The following XRCC5 variants were observed in gnomAD, a reference collection of about 807,000 sequenced individuals.
The protein encoded by XRCC5 is DNA repair protein Ku80.
Under a neutral mutation model 95.7 loss-of-function variants are expected in XRCC5, and 12 were observed. The observed-to-expected ratio is 0.13, with a 90% CI of 0.08 to 0.20. The LOEUF is 0.20. Ranked by LOEUF, XRCC5 falls within the 10% of genes least tolerant of loss-of-function variation. The pLI is 1.00. For synonymous variants in XRCC5, 281 were observed against 290.3 expected, an observed-to-expected ratio of 0.97 and a Z score of 0.33; for missense variants, 595 against 873.9, an observed-to-expected ratio of 0.68 and a Z score of 4.02.
In XRCC5 at chr2:216,116,860, G is replaced by T; in HGVS notation, c.319+18G>T. 1.2e-6 allele frequency: 2 copies of T among 1,610,002 alleles called. No homozygotes were observed. The highest frequency in any genetic ancestry group is 1.7e-6 in the Non-Finnish European group (2 of 1,177,198). On this transcript the variant is annotated intron_variant, in intron 3 of 20. Transcript: ENST00000392132. ...GGCTGACTGTATCCTTTTTCTGCCA[G>T]AGAAGACTTTAAGAAATTTCCTTTA...
rs769979176 is a variant in XRCC5 at position 216,192,633 on chromosome 2, CCA to C, written c.1945-3_1945-2del. 6.4e-7 allele frequency: 1 copy of C among 1,572,986 alleles called. No individual in the cohort carries two copies. Among genetic ancestry groups the C allele is most frequent in the Non-Finnish European group, 8.6e-7 (1 of 1,160,472 alleles). ...CTGCCTCCTCTACCCCAACTTGCTA[CCA>C]CAGTTTTCAGAAGAGCAGCGCTTTA... On this transcript the variant is annotated splice_polypyrimidine_tract_variant and splice_region_variant and intron_variant, in intron 17 of 20. Transcript: ENST00000392132.
chr2:216,185,770 G>A (rs1274415487), intron 16 of XRCC5, among the ~76,000 whole-genome samples: 1 of 151,472 alleles, frequency 6.6e-6, no homozygotes, highest in Non-Finnish European at 1.5e-5. Flanking sequence ...CCACCTCCTG[G>A]GTTCAAGTGG....
chr2:216,118,424 A>T (rs2106001939), intron 4 of XRCC5, among the ~76,000 whole-genome samples: 1 of 152,154 alleles, frequency 6.6e-6, no homozygotes, highest in East Asian at 1.9e-4. Flanking sequence ...CAGTCCTCCT[A>T]TCTTGGCCTC....
intron 14 of XRCC5, among the ~76,000 whole-genome samples, chr2:216,153,669 T>C (rs1688790481): frequency 1.3e-5 from 2 of 152,204 alleles, no homozygotes; most frequent in Admixed American, 6.5e-5. Flanking sequence ...TTAGAGAAGA[T>C]GAGAAACTTG....
At position 216,205,279 on chromosome 2, in the gene XRCC5, G is replaced by C; in HGVS notation, c.*77G>C. The C allele has an allele frequency of 1.3e-6, 2 of 1,586,170 alleles. No homozygotes were observed. Among genetic ancestry groups the C allele is most frequent in the Non-Finnish European group, 1.7e-6 (2 of 1,154,772 alleles). Reference sequence around the variant, plus strand: ...AGTTCTAACAAAACAAGTTGGATGCGGCCATTCAAGGGGAGCCAAAATCTC... The same window carrying C: ...AGTTCTAACAAAACAAGTTGGATGCCGCCATTCAAGGGGAGCCAAAATCTC... On this transcript the variant is annotated 3_prime_UTR_variant, in exon 21 of 21. Coordinates refer to ENST00000392132, the MANE Select transcript of XRCC5 (RefSeq NM_021141.4).
At chr2:216,184,788 T>C (rs1243931076) in intron 16 of XRCC5, among the ~76,000 whole-genome samples, 1 of 152,224 alleles carries the variant, frequency 6.6e-6, no homozygotes, top group Non-Finnish European at 1.5e-5. Flanking sequence ...GCCTGATGCC[T>C]TGCATTTCTG....
At chr2:216,198,473 C>T (rs1220170588) in intron 19 of XRCC5, among the ~76,000 whole-genome samples, 1 of 152,172 alleles carries the variant, frequency 6.6e-6, no homozygotes, top group East Asian at 1.9e-4. Flanking sequence ...GCTTTAATAT[C>T]ACATGAACCC....
At chr2:216,185,050 A>T (rs1447409327) in intron 16 of XRCC5, among the ~76,000 whole-genome samples, 1 of 152,062 alleles carries the variant, frequency 6.6e-6, no homozygotes, top group African/African-American at 2.4e-5. Context: ...TTCCCTTTCT[A>T]TGTTGGGTAG....
At chr2:216,163,139 CTT>C (rs35554087) in intron 16 of XRCC5, among the ~76,000 whole-genome samples, 42 of 147,908 alleles carry the variant, frequency 2.8e-4, no homozygotes, top group Non-Finnish European at 2.7e-4. Flanking sequence ...AGGGGAATCA[CTT>C]TTTTTTTTTT....
chr2:216,161,964 G>A lies in XRCC5; in HGVS notation c.1765-15G>A, dbSNP rs938848411. 7 of 1,612,754 alleles carry A rather than the reference G, an allele frequency of 4.3e-6. No homozygotes were observed. The highest frequency in any genetic ancestry group is 2.2e-5 in the South Asian group (2 of 91,062). The stretch of plus-strand genomic sequence containing the variant: ...GAAATAACCTGTAGGTTTATCATCT[G>A]TTGGTATATTTTAGGTTGGAAGTGT... On this transcript the variant is annotated splice_polypyrimidine_tract_variant and intron_variant, in intron 15 of 20. Transcript: ENST00000392132.
intron 8 of XRCC5, among the ~76,000 whole-genome samples, chr2:216,128,242 GT>G (rs2106007468): frequency 6.6e-6 from 1 of 152,282 alleles, no homozygotes; most frequent in African/African-American, 2.4e-5. Context: ...ATATCTGTAT[GT>G]TCAAGACCTA....
At chr2:216,122,808 G>T (rs1311622500) in intron 6 of XRCC5, among the ~76,000 whole-genome samples, 1 of 151,330 alleles carries the variant, frequency 6.6e-6, no homozygotes, top group Non-Finnish European at 1.5e-5. Context: ...CTTTACGTGG[G>T]CGTTGGAAAG....
chr2:216,139,204 C>T (rs770394879), intron 12 of XRCC5, among the ~76,000 whole-genome samples: 3 of 152,172 alleles, frequency 2.0e-5, no homozygotes, highest in African/African-American at 4.8e-5. Flanking sequence ...TGGAGTGCAG[C>T]GGCGTGATCA....
intron 14 of XRCC5, among the ~76,000 whole-genome samples, chr2:216,152,733 C>T (rs1285004699): frequency 1.3e-5 from 2 of 151,568 alleles, no homozygotes; most frequent in African/African-American, 4.9e-5. Context: ...TCACAGCTCA[C>T]TGCAGCCTAG....
At chr2:216,145,798 T>C (rs2106017665) in intron 13 of XRCC5, among the ~76,000 whole-genome samples, 1 of 152,286 alleles carries the variant, frequency 6.6e-6, no homozygotes, top group Non-Finnish European at 1.5e-5. Flanking sequence ...AGTAGGAAGG[T>C]TGGGTAGGAT....
At chr2:216,142,280 G>T (rs1697185117) in intron 13 of XRCC5, among the ~76,000 whole-genome samples, 1 of 152,102 alleles carries the variant, frequency 6.6e-6, no homozygotes, top group African/African-American at 2.4e-5. Flanking sequence ...AACATTGTTA[G>T]AGAAGAAGTG....
chr2:216,111,411 C>G (rs968437474), intron 1 of XRCC5: 7 of 449,138 alleles, frequency 1.6e-5, no homozygotes, highest in African/African-American at 1.4e-4. Context: ...GTGGTCCCAG[C>G]TATTTGGAAG....
At chr2:216,169,908 G>T (rs143302266) in intron 16 of XRCC5, among the ~76,000 whole-genome samples, 1 of 151,018 alleles carries the variant, frequency 6.6e-6, no homozygotes, top group African/African-American at 2.4e-5. Context: ...GCATGGTGGT[G>T]CGCACCTGTA....
chr2:216,114,155 T>C (rs966899771), intron 2 of XRCC5, among the ~76,000 whole-genome samples: 90 of 152,324 alleles, frequency 5.9e-4, no homozygotes, highest in African/African-American at 2.1e-3. Context: ...CTTAGAATAG[T>C]GCTTGGAATA....
Sources: gnomAD v4.1 joint callset for allele counts (sites outside exome capture counted in the v4.1 genomes callset) on GRCh38, gnomAD v4.1.1 for gene constraint, MANE v1.5 for transcripts, NCBI Gene and HGNC (gene_info 2026-07-23, HGNC 2026-07-21) for gene names.